LRRC4C: variants seen among roughly 807,000 people sequenced by gnomAD.
The protein encoded by LRRC4C is leucine rich repeat containing 4C, also known as leucine-rich repeat-containing protein 4C.
A neutral mutation model predicts 33.6 loss-of-function variants in LRRC4C; 5 were observed. That is an observed-to-expected ratio of 0.15 (90% CI 0.08 to 0.31). The LOEUF is 0.31. LRRC4C is among the 10% of genes least tolerant of loss of function. The probability of loss-of-function intolerance (pLI) is 1.00; values close to 1 mark genes in which losing one functional copy is unlikely to be tolerated. For missense variants in LRRC4C, 560 were observed against 796.7 expected (o/e 0.70, Z 3.58); for synonymous variants, 329 against 302.0 (o/e 1.09, Z -0.93).
At chr11:41,176,289 A>C (rs1276752186) in intron 1 of LRRC4C, among the ~76,000 whole-genome samples, 1 of 152,338 alleles carries the variant, frequency 6.6e-6, no homozygotes. Context: ...ACCCGAACCC[A>C]AAAAGAGCTT....
intron 3 of LRRC4C, among the ~76,000 whole-genome samples, chr11:40,606,266 G>A (rs1960577561): frequency 1.3e-5 from 2 of 152,140 alleles, no homozygotes; most frequent in South Asian, 4.1e-4. Context: ...TTAGAGTACT[G>A]CAGACAGATA....
chr11:41,248,049 C>T (rs973050081), intron 1 of LRRC4C, among the ~76,000 whole-genome samples: 1 of 152,070 alleles, frequency 6.6e-6, no homozygotes, highest in Non-Finnish European at 1.5e-5. Flanking sequence ...TACTTAAAGG[C>T]AAAGCGAAAA....
rs892714593 is a variant in LRRC4C, at chr11:40,727,339, G to T, written c.-406-79061C>A. ...GGGAAGGAGTCCCTATTAATAAATT[G>T]TACTAGGAAAACTGGCTAGCCATAT... On this transcript the variant is annotated intron_variant, in intron 2 of 6. Transcript: ENST00000528697. Among the ~76,000 whole-genome samples, 7 of 152,068 alleles carry T rather than the reference G, an allele frequency of 4.6e-5. No homozygotes were observed. In the East Asian group the frequency reaches 9.6e-4, roughly 21 times the overall value.
chr11:40,970,521 AT>A (rs138683113), intron 1 of LRRC4C, among the ~76,000 whole-genome samples: 4,324 of 152,284 alleles, frequency 0.028, 53 homozygotes, highest in Middle Eastern at 0.044. Flanking sequence ...ACCCAGTCTC[AT>A]GTATTTCTTC....
intron 2 of LRRC4C, among the ~76,000 whole-genome samples, chr11:40,723,416 A>G (rs2136700202): frequency 6.6e-6 from 1 of 152,310 alleles, no homozygotes; most frequent in African/African-American, 2.4e-5. Context: ...ATTTCTCAGC[A>G]GGAAACTTAC....
At chr11:40,227,439 A>C (rs998666781) in intron 5 of LRRC4C, among the ~76,000 whole-genome samples, 10 of 152,234 alleles carry the variant, frequency 6.6e-5, no homozygotes, top group Admixed American at 3.3e-4. Context: ...GAATTAGGTC[A>C]GTAAGTTTAC....
At chr11:40,630,330 C>CTCCTCTTCTTCTTCTTCT (rs1963348440) in intron 3 of LRRC4C, among the ~76,000 whole-genome samples, 1 of 135,536 alleles carries the variant, frequency 7.4e-6, no homozygotes, top group African/African-American at 2.8e-5. Flanking sequence ...TTTCTTCTTC[C>CTCCTCTTCTTCTTCTTCT]TCTTCTTCTT....
chr11:41,293,459 A>G (rs2137023292), intron 1 of LRRC4C, among the ~76,000 whole-genome samples: 1 of 152,276 alleles, frequency 6.6e-6, no homozygotes, highest in Non-Finnish European at 1.5e-5. Flanking sequence ...ATGAGAGGCA[A>G]ATGAGAAGAC....
At chr11:40,838,070 A>G (rs1952755242) in intron 2 of LRRC4C, among the ~76,000 whole-genome samples, 1 of 152,156 alleles carries the variant, frequency 6.6e-6, no homozygotes, top group Non-Finnish European at 1.5e-5. Flanking sequence ...TGTGAAAAGG[A>G]TACTATATAG....
chr11:40,341,826 G>T (rs921285957), intron 3 of LRRC4C, among the ~76,000 whole-genome samples: 1 of 152,040 alleles, frequency 6.6e-6, no homozygotes, highest in Non-Finnish European at 1.5e-5. Context: ...CAAGGTTGGG[G>T]TTCAATTCTA....
rs116351755 is a variant in LRRC4C, at chr11:40,374,080, T to A, written c.-269-54359A>T. On this transcript the variant is annotated intron_variant, in intron 3 of 6. Transcript: ENST00000528697. ...ACAAGACTATTAAGATTAAAAAGTT[T>A]AACAACAACAAGCTTTGTCAAATGG... Among the ~76,000 whole-genome samples the A allele has an allele frequency of 3.2e-3, 480 of 152,302 alleles. 5 individuals are homozygous for A. The highest frequency in any genetic ancestry group is 9.9e-3 in the African/African-American group (413 of 41,578).
chr11:41,425,696 C>T (rs1289118022), intron 1 of LRRC4C, among the ~76,000 whole-genome samples: 1 of 152,024 alleles, frequency 6.6e-6, no homozygotes, highest in African/African-American at 2.4e-5. Context: ...AAGTGTTTAA[C>T]AAATTACTAA....
chr11:41,273,527 GAC>G lies in LRRC4C; in HGVS notation c.-496+185902_-496+185903del, dbSNP rs1175341122. Among the ~76,000 whole-genome samples, 11 of 152,272 alleles carry G rather than the reference GAC, an allele frequency of 7.2e-5. 1 individual carries two copies. The Middle Eastern group carries it at 0.01, about 142-fold the overall frequency. On this transcript the variant is annotated intron_variant, in intron 1 of 6. Transcript: ENST00000528697. ...AAATACTGTACAATTCCACTTACGT[GAC>G]AGATTTAAAATGGTCAAACTCATAG...
At chr11:40,521,632 A>T (rs1955816839) in intron 3 of LRRC4C, among the ~76,000 whole-genome samples, 1 of 152,104 alleles carries the variant, frequency 6.6e-6, no homozygotes, top group South Asian at 2.1e-4. Flanking sequence ...GCACTTTGGG[A>T]GGCAAAGGTG....
chr11:40,975,157 T>C (rs1851994247), intron 1 of LRRC4C, among the ~76,000 whole-genome samples: 1 of 152,220 alleles, frequency 6.6e-6, no homozygotes, highest in Non-Finnish European at 1.5e-5. Flanking sequence ...TAGATGTCTA[T>C]CTAATTATAG....
At position 40,860,289 on chromosome 11, in the gene LRRC4C, T is replaced by C. The variant is rs189301129; in HGVS notation, c.-407+73346A>G. 3.9e-5 allele frequency among the ~76,000 whole-genome samples: 6 copies of C among 152,110 alleles called. No individual in the cohort carries two copies. The East Asian group carries it at 9.7e-4, about 25-fold the overall frequency. ...TAGGGGTAGAGGGAATATAAGTGTA[T>C]CATTTCCTAGGGCTGCCATCATAAA... On this transcript the variant is annotated intron_variant, in intron 2 of 6. Transcript: ENST00000528697.
chr11:40,870,363 A>G lies in LRRC4C; in HGVS notation c.-407+63272T>C, dbSNP rs7120386. 2.8e-3 allele frequency among the ~76,000 whole-genome samples: 429 copies of G among 152,174 alleles called. 1 individual carries two copies. Among genetic ancestry groups the G allele is most frequent in the African/African-American group, 9.8e-3 (408 of 41,520 alleles). ...GTGGAGGATAGTATGTACCTGGTAT[A>G]TGCACCTATTGTGAATTCTTATAAT... On this transcript the variant is annotated intron_variant, in intron 2 of 6. Coordinates refer to ENST00000528697, the MANE Select transcript of LRRC4C (RefSeq NM_001258419.2).
intron 3 of LRRC4C, among the ~76,000 whole-genome samples, chr11:40,642,395 A>G (rs139423733): frequency 6.6e-6 from 1 of 152,180 alleles, no homozygotes; most frequent in African/African-American, 2.4e-5. Flanking sequence ...AAGACATAAA[A>G]CAGATTACTT....
At chr11:41,026,716 C>T (rs895093640) in intron 1 of LRRC4C, among the ~76,000 whole-genome samples, 3 of 151,188 alleles carry the variant, frequency 2.0e-5, no homozygotes, top group African/African-American at 4.9e-5. Context: ...CAGCAGCCAT[C>T]GACATTGAGA....
Sources: allele counts gnomAD v4.1 joint callset (sites outside exome capture counted in the v4.1 genomes callset), GRCh38; gene constraint gnomAD v4.1.1; transcripts MANE v1.5; gene names NCBI Gene and HGNC (gene_info 2026-07-23, HGNC 2026-07-21).